The following CD59 variants were observed in gnomAD, a reference collection of about 807,000 sequenced individuals.
CD59 encodes CD59 molecule (CD59 blood group), also known as CD59 glycoprotein.
A neutral mutation model predicts 7.0 loss-of-function variants in CD59; 3 were observed. That is an observed-to-expected ratio of 0.43 (90% CI 0.19 to 1.10). The LOEUF (loss-of-function observed/expected upper bound fraction) is 1.10. Ranked by LOEUF, CD59 falls within the 50% of genes least tolerant of loss-of-function variation. CD59 has a pLI of 0.29. For synonymous variants in CD59, 60 were observed against 62.0 expected, an observed-to-expected ratio of 0.97 and a Z score of 0.15; for missense variants, 143 against 151.0, an observed-to-expected ratio of 0.95 and a Z score of 0.28.
Position 33,722,359 on chromosome 11 carries a change from C to T in CD59, c.67+20G>A. 2 of 1,575,278 alleles carry T rather than the reference C, an allele frequency of 1.3e-6. No homozygotes were observed. Among genetic ancestry groups the T allele is most frequent in the Non-Finnish European group, 1.7e-6 (2 of 1,144,566 alleles). ...TGGCCAAGGCAGCCTAGATCCATGT[C>T]CTGAGACTGGAGCACTCACCTGAAT... On this transcript the variant is annotated intron_variant, in intron 2 of 3. Transcript: ENST00000642928.
Position 33,710,089 on chromosome 11 carries a change from G to A in CD59, c.*37C>T. ...CAGCAAGAGAAAGCGGACTACGCAG[G>A]AACGGGGAGTTTGGGAGAAGCTCTC... On this transcript the variant is annotated 3_prime_UTR_variant, in exon 4 of 4. Coordinates refer to ENST00000642928, the MANE Select transcript of CD59 (RefSeq NM_000611.6). 1 of 1,467,386 alleles carries A rather than the reference G, an allele frequency of 6.8e-7. No individual in the cohort carries two copies. The highest frequency in any genetic ancestry group is 9.5e-7 in the Non-Finnish European group (1 of 1,053,874). The allele number at this position is 1,467,386 out of a possible 1,614,324, so 90.9% of individuals were successfully genotyped here. A position where few individuals can be genotyped will look rare whatever the true frequency, so the allele number is the denominator to read the frequency against.
intron 1 of CD59, 37 bp from the exon 2 acceptor site, chr11:33,722,500 A>G: frequency 6.2e-7 from 1 of 1,611,014 alleles, no homozygotes; most frequent in East Asian, 2.2e-5. Flanking sequence ...TCAGGAACGA[A>G]CAAATGACTG....
In CD59 at chr11:33,717,408, C is replaced by A. The variant is rs975525889; in HGVS notation, c.131G>T (p.Cys44Phe). The change falls in exon 3 of 4, where the codon TGT becomes TTT. Residue 44 changes from cysteine (C) to phenylalanine (F), a missense_variant. Cys to Phe is a radical substitution (Grantham distance 205, BLOSUM62 -2). Coordinates refer to ENST00000642928, the MANE Select transcript of CD59 (RefSeq NM_000611.6). ...PTADCKTAVN[C>F]SSDFDACLIT... ...GAGACACGCATCAAAATCAGATGAA[C>A]AATTGACGGCTGTTTTGCAGTCAGC... 1 of 1,613,676 alleles carries A rather than the reference C, an allele frequency of 6.2e-7. No homozygotes were observed. The highest frequency in any genetic ancestry group is 8.5e-7 in the Non-Finnish European group (1 of 1,179,660).
rs193050106 is a variant in CD59 at position 33,707,924 on chromosome 11, T to C, written c.*2202A>G. On this transcript the variant is annotated 3_prime_UTR_variant, in exon 4 of 4. Transcript: ENST00000642928. ...CCAGCCTCACCTATCGGGGCAGTCA[T>C]TGTTCCGCTGTCAGGAGGAGAGGGG... 6.6e-6 allele frequency: 1 copy of C among 152,274 alleles called. No homozygotes were observed. The highest frequency in any genetic ancestry group is 2.4e-5 in the African/African-American group (1 of 41,544). The allele number at this position is 152,274 out of a possible 1,614,324, so 9.4% of individuals were successfully genotyped here.
rs1306663034 is a variant in CD59 at position 33,709,549 on chromosome 11, C to CT, written c.*576dup. 3 of 164,344 alleles carry CT rather than the reference C, an allele frequency of 1.8e-5. No homozygotes were observed. Among genetic ancestry groups the CT allele is most frequent in the East Asian group, 3.4e-4 (2 of 5,934 alleles). The allele number at this position is 164,344 out of a possible 1,614,324, so 10.2% of individuals were successfully genotyped here. ...TCGATTTTCAGCCACTTGTACCTCT[C>CT]TAAGTTTTCATGCCCTGCTATCTGG... On this transcript the variant is annotated 3_prime_UTR_variant, in exon 4 of 4. Transcript: ENST00000642928.
In CD59 at chr11:33,707,668, G is replaced by C. The variant is rs796164799; in HGVS notation, c.*2458C>G. 3.3e-5 allele frequency: 5 copies of C among 152,334 alleles called. No homozygotes were observed. The highest frequency in any genetic ancestry group is 1.2e-4 in the African/African-American group (5 of 41,558). The allele number at this position is 152,334 out of a possible 1,614,324, so 9.4% of individuals were successfully genotyped here. ...TCGATTCCTAACTCCCCTGCTCCCT[G>C]GTTTCATTTGGAACCAACTGAGACA... On this transcript the variant is annotated 3_prime_UTR_variant, in exon 4 of 4. Coordinates refer to ENST00000642928, the MANE Select transcript of CD59 (RefSeq NM_000611.6).
At chr11:33,733,557 T>C (rs1025284666) in intron 1 of CD59, 1 of 152,018 alleles carries the variant, frequency 6.6e-6, no homozygotes, top group African/African-American at 2.4e-5. Context: ...GAGGTGGAGG[T>C]TGCAGTGAGC....
intron 1 of CD59, among the ~76,000 whole-genome samples, chr11:33,735,613 G>A (rs1440118011): frequency 6.6e-6 from 1 of 152,166 alleles, no homozygotes; most frequent in Non-Finnish European, 1.5e-5. Flanking sequence ...AAAACATCAC[G>A]TTGTACTTAA....
intron 1 of CD59, 149 bp from the exon 2 acceptor site, chr11:33,722,612 G>A (rs1854121201): frequency 6.6e-7 from 1 of 1,509,028 alleles, no homozygotes; most frequent in Non-Finnish European, 8.9e-7. Flanking sequence ...CCATGCCCCA[G>A]CTCTGACCCA....
rs1481811090 is a variant in CD59, at chr11:33,708,023, A to T, written c.*2103T>A. On this transcript the variant is annotated 3_prime_UTR_variant, in exon 4 of 4. Coordinates refer to ENST00000642928, the MANE Select transcript of CD59 (RefSeq NM_000611.6). ...TCCAGCACTCTTACACTCTCTATTT[A>T]ACCTAGGCTGACTCACTGCAGTTGG... 1 of 152,140 alleles carries T rather than the reference A, an allele frequency of 6.6e-6. No individual in the cohort carries two copies. The highest frequency in any genetic ancestry group is 2.4e-5 in the African/African-American group (1 of 41,418). The allele number at this position is 152,140 out of a possible 1,614,324, so 9.4% of individuals were successfully genotyped here.
intron 2 of CD59, among the ~76,000 whole-genome samples, chr11:33,720,301 G>C (rs1374107492): frequency 6.6e-6 from 1 of 152,204 alleles, no homozygotes; most frequent in Non-Finnish European, 1.5e-5. Context: ...TCAAACTCAG[G>C]CTGTCAGTTC....
intron 2 of CD59, chr11:33,718,436 T>C (rs1220541376): frequency 6.6e-6 from 1 of 151,922 alleles, no homozygotes; most frequent in Non-Finnish European, 1.5e-5. Flanking sequence ...TGAGCCACAA[T>C]TGCACCACTG....
At chr11:33,725,240 T>G (rs1386587118) in intron 1 of CD59, among the ~76,000 whole-genome samples, 2 of 151,388 alleles carry the variant, frequency 1.3e-5, no homozygotes, top group African/African-American at 4.9e-5. Context: ...ATCATCTATC[T>G]TTTGGTAAAA....
At chr11:33,733,809 G>T (rs1718066) in intron 1 of CD59, among the ~76,000 whole-genome samples, 104,360 of 151,964 alleles carry the variant, frequency 0.69, 36,286 homozygotes, top group African/African-American at 0.78. Flanking sequence ...AGAGAAGAGA[G>T]TTGACATCAG....
chr11:33,711,632 G>A, intron 3 of CD59: 1 of 509,410 alleles, frequency 2.0e-6, no homozygotes, highest in Non-Finnish European at 3.4e-6. Context: ...AGCTATGATT[G>A]TACTGCTGCA....
intron 1 of CD59, among the ~76,000 whole-genome samples, chr11:33,734,888 T>A (rs559634363): frequency 6.6e-6 from 1 of 152,324 alleles, no homozygotes. Flanking sequence ...CTGTCAAAGA[T>A]GAATGCCATT....
At position 33,707,089 on chromosome 11, in the gene CD59, C is replaced by G. The variant is rs941220962; in HGVS notation, c.*3037G>C. 1.3e-5 allele frequency: 2 copies of G among 152,198 alleles called. No individual in the cohort carries two copies. The highest frequency in any genetic ancestry group is 2.9e-5 in the Non-Finnish European group (2 of 68,040). 9.4% of individuals were successfully genotyped at this position (152,198 alleles called of 1,614,324 possible). A position where few individuals can be genotyped will look rare whatever the true frequency, so the allele number is the denominator to read the frequency against. Reference sequence around the variant, plus strand: ...TATATAAAACATAGAGCTTAGAATCCTGTACCAGAAAGCTGCCCTCATCAC... The same window carrying G: ...TATATAAAACATAGAGCTTAGAATCGTGTACCAGAAAGCTGCCCTCATCAC... On this transcript the variant is annotated 3_prime_UTR_variant, in exon 4 of 4. Transcript: ENST00000642928.
intron 1 of CD59, among the ~76,000 whole-genome samples, chr11:33,733,220 C>A (rs1249901636): frequency 6.6e-6 from 1 of 152,188 alleles, no homozygotes; most frequent in African/African-American, 2.4e-5. Context: ...TTGATTACAG[C>A]CCTGTGAGAC....
At chr11:33,720,436 C>T (rs1277658225) in intron 2 of CD59, among the ~76,000 whole-genome samples, 3 of 152,280 alleles carry the variant, frequency 2.0e-5, no homozygotes, top group South Asian at 2.1e-4. Flanking sequence ...CAATGGCTCA[C>T]GCCTGTAATC....
Sources: allele counts gnomAD v4.1 joint callset (sites outside exome capture counted in the v4.1 genomes callset), GRCh38; gene constraint gnomAD v4.1.1; transcripts MANE v1.5; gene names NCBI Gene and HGNC (gene_info 2026-07-23, HGNC 2026-07-21).